The following NOTCH2 variants were observed in gnomAD, a reference collection of about 807,000 sequenced individuals.
NOTCH2 encodes notch receptor 2.
NOTCH2 carries 29 observed loss-of-function variants against 235.8 expected under a neutral mutation model. The ratio of observed to expected loss-of-function variants is 0.12; its 90% confidence interval spans 0.09 to 0.17. NOTCH2 has a LOEUF of 0.17. Ranked by LOEUF, NOTCH2 falls within the 10% of genes least tolerant of loss-of-function variation. NOTCH2 has a pLI of 1.00. For synonymous variants in NOTCH2, 1,086 were observed against 1,141.5 expected, an observed-to-expected ratio of 0.95 and a Z score of 0.98; for missense variants, 2,285 against 3,150.2, an observed-to-expected ratio of 0.73 and a Z score of 6.57.
chr1:119,956,071 G>A (rs1192592662), intron 12 of NOTCH2, among the ~76,000 whole-genome samples: 1 of 152,130 alleles, frequency 6.6e-6, no homozygotes, highest in Non-Finnish European at 1.5e-5. Flanking sequence ...TGTGGATACT[G>A]GGAGTAAGTG....
At chr1:120,037,441 T>C (rs587677074) in intron 1 of NOTCH2, among the ~76,000 whole-genome samples, 1 of 151,978 alleles carries the variant, frequency 6.6e-6, no homozygotes, top group East Asian at 1.9e-4. Context: ...AATAGGAGAA[T>C]TGAGGGCAGA....
intron 12 of NOTCH2, among the ~76,000 whole-genome samples, chr1:119,956,764 A>G (rs1396876685): frequency 2.6e-5 from 4 of 152,136 alleles, no homozygotes; most frequent in African/African-American, 7.2e-5. Context: ...ACTCCTCCCA[A>G]GTTTTCTTTA....
intron 23 of NOTCH2, among the ~76,000 whole-genome samples, chr1:119,927,971 T>C (rs1444807807): frequency 2.6e-5 from 4 of 152,200 alleles, no homozygotes; most frequent in East Asian, 1.9e-4. Flanking sequence ...GCTTGATGAA[T>C]TGTTTGTAAA....
intron 12 of NOTCH2, among the ~76,000 whole-genome samples, chr1:119,956,668 A>G (rs958525871): frequency 6.6e-6 from 1 of 152,208 alleles, no homozygotes; most frequent in Non-Finnish European, 1.5e-5. Context: ...CCACACAGTT[A>G]GCCTCGGCCC....
At chr1:120,029,014 G>A (rs1570762462) in intron 2 of NOTCH2, among the ~76,000 whole-genome samples, 1 of 150,262 alleles carries the variant, frequency 6.7e-6, no homozygotes, top group Admixed American at 6.6e-5. Context: ...GGAGAAAAAG[G>A]AAAAAAAAAT....
At chr1:119,999,968 A>AAAGGAAGGAAGGAAGG (rs1340012790) in intron 3 of NOTCH2, among the ~76,000 whole-genome samples, 1 of 101,354 alleles carries the variant, frequency 9.9e-6, no homozygotes, top group Non-Finnish European at 2.0e-5. Flanking sequence ...AGAAAGAAAG[A>AAAGGAAGGAAGGAAGG]AAGAAAGAAA....
At chr1:120,007,777 C>T (rs1461307655) in intron 2 of NOTCH2, among the ~76,000 whole-genome samples, 2 of 151,326 alleles carry the variant, frequency 1.3e-5, no homozygotes, top group Admixed American at 6.6e-5. Context: ...ATCCAAATCA[C>T]AGCTTGATTT....
chr1:120,067,654 G>C (rs1342746806), intron 1 of NOTCH2, among the ~76,000 whole-genome samples: 1 of 152,194 alleles, frequency 6.6e-6, no homozygotes, highest in East Asian at 1.9e-4. Flanking sequence ...ATTACCCTCA[G>C]ACTGTCTCAT....
At chr1:119,983,556 T>C (rs782239215) in intron 5 of NOTCH2, among the ~76,000 whole-genome samples, 12 of 152,336 alleles carry the variant, frequency 7.9e-5, no homozygotes, top group Non-Finnish European at 1.8e-4. Flanking sequence ...GGGGCCACCA[T>C]ATAGAATAGG....
At chr1:120,022,890 G>C (rs1265012524) in intron 2 of NOTCH2, among the ~76,000 whole-genome samples, 1 of 150,958 alleles carries the variant, frequency 6.6e-6, no homozygotes, top group Non-Finnish European at 1.5e-5. Flanking sequence ...GAGACTCAAG[G>C]TGACAGTACA....
At chr1:119,936,948 T>G (rs1181491326) in intron 21 of NOTCH2, among the ~76,000 whole-genome samples, 2 of 152,144 alleles carry the variant, frequency 1.3e-5, no homozygotes, top group Non-Finnish European at 2.9e-5. Context: ...AAAGCAGTTT[T>G]TCCTATCTCA....
intron 14 of NOTCH2, among the ~76,000 whole-genome samples, chr1:119,953,129 T>C (rs905530676): frequency 2.1e-4 from 32 of 152,070 alleles, no homozygotes; most frequent in Non-Finnish European, 5.9e-5. Context: ...CTAACCAACA[T>C]GGAGAAACCC....
intron 25 of NOTCH2, among the ~76,000 whole-genome samples, chr1:119,924,674 CAGA>C (rs975327199): frequency 6.6e-6 from 1 of 152,196 alleles, no homozygotes; most frequent in Non-Finnish European, 1.5e-5. Flanking sequence ...CTAGCTCAAT[CAGA>C]AGATTAGGAG....
intron 14 of NOTCH2, among the ~76,000 whole-genome samples, chr1:119,952,422 A>C (rs1386485949): frequency 1.3e-5 from 2 of 152,000 alleles, no homozygotes; most frequent in Non-Finnish European, 2.9e-5. Context: ...ACTTACTATA[A>C]TGTAGAATTG....
chr1:119,950,592 C>A, intron 15 of NOTCH2, 132 bp downstream of exon 15: 1 of 736,448 alleles, frequency 1.4e-6, no homozygotes, highest in Non-Finnish European at 2.5e-6. Flanking sequence ...TCAGTAAAGG[C>A]AGGAAGGACA....
At chr1:119,935,317 A>G (rs1350057117) in intron 22 of NOTCH2, 155 bp downstream of exon 22, 52 of 1,581,472 alleles carry the variant, frequency 3.3e-5, no homozygotes, top group East Asian at 4.5e-5. Flanking sequence ...AGATGGGAGA[A>G]TAAAATGGCT....
chr1:119,974,304 T>C (rs782032367), intron 5 of NOTCH2, among the ~76,000 whole-genome samples: 4 of 152,316 alleles, frequency 2.6e-5, no homozygotes, highest in African/African-American at 9.6e-5. Flanking sequence ...CTCTCAGTAA[T>C]TTCCACCTGC....
chr1:120,037,954 TA>T (rs1182111871), intron 1 of NOTCH2, among the ~76,000 whole-genome samples: 2 of 152,118 alleles, frequency 1.3e-5, no homozygotes, highest in Admixed American at 6.5e-5. Flanking sequence ...TTTCATACTA[TA>T]AAAAAATCAT....
chr1:120,039,576 T>A (rs1553212435), intron 1 of NOTCH2, among the ~76,000 whole-genome samples: 2 of 150,682 alleles, frequency 1.3e-5, no homozygotes, highest in East Asian at 2.0e-4. Context: ...ATCCGGCTAA[T>A]TTTTTTTGTA....
Sources: gnomAD v4.1 joint callset for allele counts (sites outside exome capture counted in the v4.1 genomes callset) on GRCh38, gnomAD v4.1.1 for gene constraint, MANE v1.5 for transcripts, NCBI Gene and HGNC (gene_info 2026-07-23, HGNC 2026-07-21) for gene names.